Variants in EPS8 observed in about 807,000 individuals in gnomAD.
EPS8 encodes EGFR pathway substrate 8, signaling adaptor.
In EPS8, 42 loss-of-function variants were observed where a neutral mutation model predicts 103.8. That is an observed-to-expected ratio of 0.40 (90% CI 0.32 to 0.52). The LOEUF (loss-of-function observed/expected upper bound fraction) is 0.52. EPS8 is among the 20% of genes least tolerant of loss of function. The pLI, the probability that EPS8 is intolerant of heterozygous loss-of-function variation, is 0.40. For missense variants in EPS8, 969 were observed against 1,005.1 expected (o/e 0.96, Z 0.49); for synonymous variants, 344 against 344.6 (o/e 1.00, Z 0.02).
In EPS8 at chr12:15,761,080, T is replaced by C. The variant is rs1384067806; in HGVS notation, c.-22+28081A>G. Among the ~76,000 whole-genome samples the C allele has an allele frequency of 1.3e-5, 2 of 151,910 alleles. No individual in the cohort carries two copies. The highest frequency in any genetic ancestry group is 2.9e-5 in the Non-Finnish European group (2 of 67,910). On this transcript the variant is annotated intron_variant, in intron 1 of 20. Transcript: ENST00000281172. This position sits in a 1 kb window ranked among gnomAD's most constrained non-coding sequence, Gnocchi z 4.5. ...CCACATCAAAAACTATTAAAACTGA[T>C]AAATTCATTAAAGTTGCAGTATATA...
rs1193600029 is a variant in EPS8, at chr12:15,789,082, A to G, written c.-22+79T>C. On this transcript the variant is annotated intron_variant, in intron 1 of 20. Coordinates refer to ENST00000281172, the MANE Select transcript of EPS8 (RefSeq NM_004447.6). The surrounding 1 kb of genome is among the most constrained non-coding windows in gnomAD (Gnocchi z 6.1). ...CCTGGCACCGCTCCGATTCCAGCAC[A>G]CAAAGGCGGATTTTTAAAATCGAGA... The G allele has an allele frequency of 1.3e-5, 2 of 152,158 alleles. No individual in the cohort carries two copies. Among genetic ancestry groups the G allele is most frequent in the Non-Finnish European group, 2.9e-5 (2 of 68,026 alleles). The allele number at this position is 152,158 out of a possible 1,614,324, so 9.4% of individuals were successfully genotyped here.
rs1171120058 is a variant in EPS8 at position 15,767,353 on chromosome 12, G to T, written c.-22+21808C>A. On this transcript the variant is annotated intron_variant, in intron 1 of 20. Transcript: ENST00000281172. The surrounding 1 kb of genome is among the most constrained non-coding windows in gnomAD (Gnocchi z 5.5). Reference sequence around the variant, plus strand: ...GTCTAGTAACTACTGTTCACCAGTGGAATTTTATGCAGAAAAATGTTTCTG... The same window carrying T: ...GTCTAGTAACTACTGTTCACCAGTGTAATTTTATGCAGAAAAATGTTTCTG... Among the ~76,000 whole-genome samples the T allele has an allele frequency of 1.3e-5, 2 of 152,124 alleles. No homozygotes were observed. The highest frequency in any genetic ancestry group is 2.9e-5 in the Non-Finnish European group (2 of 68,028).
At position 15,721,164 on chromosome 12, in the gene EPS8, G is replaced by C. The variant is rs1946590657; in HGVS notation, c.-21-38192C>G. ...TCAAAAATATGTCCACATATACTCA[G>C]AGTGAAAAGAAAGCAAGAAAATACT... On this transcript the variant is annotated intron_variant, in intron 1 of 20. Coordinates refer to ENST00000281172, the MANE Select transcript of EPS8 (RefSeq NM_004447.6). This position sits in a 1 kb window ranked among gnomAD's most constrained non-coding sequence, Gnocchi z 4.4. Among the ~76,000 whole-genome samples the C allele has an allele frequency of 6.6e-6, 1 of 152,100 alleles. No individual in the cohort carries two copies. The highest frequency in any genetic ancestry group is 6.6e-5 in the Admixed American group (1 of 15,266).
At chr12:15,763,129 T>C (rs1947058269) in intron 1 of EPS8, among the ~76,000 whole-genome samples, 2 of 152,174 alleles carry the variant, frequency 1.3e-5, no homozygotes, top group Admixed American at 6.5e-5. Flanking sequence ...AGATTACAGT[T>C]AGTATTACTC....
rs372126710 is a variant in EPS8 at position 15,770,741 on chromosome 12, C to T, written c.-22+18420G>A. Among the ~76,000 whole-genome samples the T allele has an allele frequency of 2.6e-5, 4 of 152,324 alleles. No homozygotes were observed. In the East Asian group the frequency reaches 7.7e-4, roughly 29 times the overall value. ...TTTATCCTAAATAACAGAGTACATT[C>T]TGATTGTCACCATGATTAAGCTTTT... On this transcript the variant is annotated intron_variant, in intron 1 of 20. Transcript: ENST00000281172.
At chr12:15,661,687 T>C (rs1054120059) in intron 9 of EPS8, among the ~76,000 whole-genome samples, 1 of 152,284 alleles carries the variant, frequency 6.6e-6, no homozygotes, top group Non-Finnish European at 1.5e-5. Context: ...AGAAGACATA[T>C]TAAAAAGATA....
chr12:15,671,917 A>G (rs1197837265), intron 3 of EPS8: 1 of 152,156 alleles, frequency 6.6e-6, no homozygotes, highest in Non-Finnish European at 1.5e-5. Context: ...AGAGGGAATT[A>G]TAAGATTTAT....
intron 1 of EPS8, among the ~76,000 whole-genome samples, chr12:15,740,357 C>G (rs1392594822): frequency 1.3e-5 from 2 of 151,808 alleles, no homozygotes; most frequent in Non-Finnish European, 2.9e-5. Flanking sequence ...CCAGCCTGGC[C>G]AACATGGTGA....
intron 1 of EPS8, among the ~76,000 whole-genome samples, chr12:15,705,122 C>G (rs933211747): frequency 1.3e-5 from 2 of 152,038 alleles, no homozygotes; most frequent in African/African-American, 4.8e-5. Context: ...AGTTTTATAC[C>G]AACTCCTATT....
rs1421485358 is a variant in EPS8 at position 15,749,128 on chromosome 12, G to A, written c.-22+40033C>T. Among the ~76,000 whole-genome samples, 1 of 152,034 alleles carries A rather than the reference G, an allele frequency of 6.6e-6. No homozygotes were observed. Among genetic ancestry groups the A allele is most frequent in the Non-Finnish European group, 1.5e-5 (1 of 68,000 alleles). ...ATATTACCTTAATTTGTCATAAAAT[G>A]TATTGATTACCTGACTATTTAAGAT... On this transcript the variant is annotated intron_variant, in intron 1 of 20. Transcript: ENST00000281172. The surrounding 1 kb of genome is among the most constrained non-coding windows in gnomAD (Gnocchi z 4.0).
In EPS8 at chr12:15,706,074, C is replaced by T. The variant is rs900398882; in HGVS notation, c.-21-23102G>A. ...AATGACCCTGAATCTATTTTCTTTC[C>T]TTCTGTCTCCAAATCCCAGTCTTCT... is the stretch of plus-strand genomic sequence containing the variant. On this transcript the variant is annotated intron_variant, in intron 1 of 20. Transcript: ENST00000281172. This position sits in a 1 kb window ranked among gnomAD's most constrained non-coding sequence, Gnocchi z 5.2. Among the ~76,000 whole-genome samples the T allele has an allele frequency of 1.3e-5, 2 of 151,984 alleles. No homozygotes were observed. The highest frequency in any genetic ancestry group is 2.4e-5 in the African/African-American group (1 of 41,354).
At chr12:15,661,840 T>G (rs547085038) in intron 9 of EPS8, among the ~76,000 whole-genome samples, 186 bp downstream of exon 9, 1 of 152,310 alleles carries the variant, frequency 6.6e-6, no homozygotes, top group South Asian at 2.1e-4. Context: ...AATATTGGCA[T>G]AAAGGCAAAA....
intron 15 of EPS8, among the ~76,000 whole-genome samples, chr12:15,644,274 G>A (rs191047227): frequency 1.3e-5 from 2 of 152,226 alleles, no homozygotes; most frequent in Middle Eastern, 3.4e-3. Context: ...TTTTCTGTAC[G>A]TCACTTTCCT....
In EPS8 at chr12:15,669,767, AT is replaced by A; in HGVS notation, c.262del (p.Ile88Ter). 3 of 1,613,742 alleles carry A rather than the reference AT, an allele frequency of 1.9e-6. No homozygotes were observed. The highest frequency in any genetic ancestry group is 2.5e-6 in the Non-Finnish European group (3 of 1,179,832). On this transcript the variant is annotated frameshift_variant, in exon 5 of 21. Transcript: ENST00000281172. LOFTEE classifies it high-confidence loss of function. ...GGCATCAAGCAATTTCAATTTCCTTATTCCATCATCAACAGTGATCATAGCA... is the reference window on the plus strand; with the variant it reads ...GGCATCAAGCAATTTCAATTTCCTTATCCATCATCAACAGTGATCATAGCA... ...KDAMITVDDG[I>X]RKLKLLDAKG... is the part of the protein sequence containing the mutation.
rs143159059 is a variant in EPS8 at position 15,687,230 on chromosome 12, C to T, written c.-21-4258G>A. ...CTCTTTCCAGTACCATTGGTAAAGA[C>T]GGCACCATGTATTTTTCTATGCTAT... On this transcript the variant is annotated intron_variant, in intron 1 of 20. Transcript: ENST00000281172. Among the ~76,000 whole-genome samples the T allele has an allele frequency of 1.1e-3, 169 of 152,152 alleles. 2 individuals carry two copies. Among genetic ancestry groups the T allele is most frequent in the African/African-American group, 3.7e-3 (154 of 41,508 alleles).
rs1367904126 is a variant in EPS8 at position 15,776,272 on chromosome 12, G to A, written c.-22+12889C>T. On this transcript the variant is annotated intron_variant, in intron 1 of 20. Transcript: ENST00000281172. The surrounding 1 kb of genome is among the most constrained non-coding windows in gnomAD (Gnocchi z 4.2). ...CTAGAAGCTTTTAAATGTAATTTTG[G>A]GGGGAAATAATACACTTCTGGCTGA... 1.3e-5 allele frequency among the ~76,000 whole-genome samples: 2 copies of A among 152,084 alleles called. No individual in the cohort carries two copies. The highest frequency in any genetic ancestry group is 1.3e-4 in the Admixed American group (2 of 15,250).
In EPS8 at chr12:15,711,374, A is replaced by G. The variant is rs17349462; in HGVS notation, c.-21-28402T>C. ...ACATAGAAATGAGACTAAGCAGCGT[A>G]TCTCCTCCATAGTCATTTCCTCTTA... On this transcript the variant is annotated intron_variant, in intron 1 of 20. Coordinates refer to ENST00000281172, the MANE Select transcript of EPS8 (RefSeq NM_004447.6). 9.6e-3 allele frequency among the ~76,000 whole-genome samples: 1,464 copies of G among 152,294 alleles called. 16 individuals carry two copies. The highest frequency in any genetic ancestry group is 0.026 in the Admixed American group (391 of 15,300).
rs1323511361 is a variant in EPS8 at position 15,620,407 on chromosome 12, A to G, written c.*910T>C. ...CTTTTCTCTATGTGGAATCTTTCAC[A>G]GGATTAAAATATGTGTAAATTAAGT... On this transcript the variant is annotated 3_prime_UTR_variant, in exon 21 of 21. Transcript: ENST00000281172. 1 of 152,650 alleles carries G rather than the reference A, an allele frequency of 6.6e-6. No homozygotes were observed. Among genetic ancestry groups the G allele is most frequent in the Non-Finnish European group, 1.5e-5 (1 of 68,036 alleles). 9.5% of individuals were successfully genotyped at this position (152,650 alleles called of 1,614,324 possible). A position where few individuals can be genotyped will look rare whatever the true frequency, so the allele number is the denominator to read the frequency against.
In EPS8 at chr12:15,748,159, G is replaced by A. The variant is rs975887956; in HGVS notation, c.-22+41002C>T. ...CAAATCTCAGAGCCTCTTATCCTCA[G>A]ATTCCTTAACAGCAAAATGGGAAAT... On this transcript the variant is annotated intron_variant, in intron 1 of 20. Coordinates refer to ENST00000281172, the MANE Select transcript of EPS8 (RefSeq NM_004447.6). This position sits in a 1 kb window ranked among gnomAD's most constrained non-coding sequence, Gnocchi z 4.8. Among the ~76,000 whole-genome samples, 5 of 152,148 alleles carry A rather than the reference G, an allele frequency of 3.3e-5. No individual in the cohort carries two copies. Among genetic ancestry groups the A allele is most frequent in the African/African-American group, 1.2e-4 (5 of 41,428 alleles).
Sources: gnomAD v4.1 joint callset for allele counts (sites outside exome capture counted in the v4.1 genomes callset) on GRCh38, gnomAD v4.1.1 for gene constraint, Gnocchi (gnomAD v3.1) non-coding constraint, MANE v1.5 for transcripts, NCBI Gene and HGNC (gene_info 2026-07-23, HGNC 2026-07-21) for gene names.